The following ACSL6 variants were observed in gnomAD, a reference collection of about 807,000 sequenced individuals.
The protein encoded by ACSL6 is acyl-CoA synthetase long chain family member 6, also known as long-chain-fatty-acid--CoA ligase 6.
In ACSL6, 47 loss-of-function variants were observed where a neutral mutation model predicts 98.2. That is an observed-to-expected ratio of 0.48 (90% confidence interval 0.38 to 0.61). The LOEUF is 0.61. Ranked by LOEUF, ACSL6 falls within the 20% of genes least tolerant of loss-of-function variation. The pLI, the probability that ACSL6 is intolerant of heterozygous loss-of-function variation, is 0.00. For missense variants in ACSL6, 761 were observed against 913.4 expected (o/e 0.83, Z 2.15); for synonymous variants, 362 against 336.9 (o/e 1.07, Z -0.82).
intron 17 of ACSL6, among the ~76,000 whole-genome samples, chr5:131,964,637 C>A (rs572305919): frequency 6.6e-6 from 1 of 152,250 alleles, no homozygotes; most frequent in African/African-American, 2.4e-5. Context: ...TAAGAAAAAC[C>A]AGGTAAAATG....
Position 131,968,038 on chromosome 5 carries a change from C to A in ACSL6, c.1508-10G>T. On this transcript the variant is annotated splice_polypyrimidine_tract_variant and intron_variant, in intron 15 of 20. Coordinates refer to ENST00000651883, the MANE Select transcript of ACSL6 (RefSeq NM_001009185.3). ...GGCGCCCCTACGTGCCCTGGAACAC[C>A]GGAGCAAGATGGCATTTGTTAGTGT... 6.2e-7 allele frequency: 1 copy of A among 1,612,072 alleles called. No homozygotes were observed. Among genetic ancestry groups the A allele is most frequent in the Non-Finnish European group, 8.5e-7 (1 of 1,178,580 alleles).
intron 10 of ACSL6, 198 bp from the exon 11 acceptor site, chr5:131,975,168 G>T: frequency 1.2e-5 from 17 of 1,409,138 alleles, no homozygotes; most frequent in Non-Finnish European, 1.5e-5. Context: ...GAGAGAGGGA[G>T]GGGGAAGGTG....
intron 2 of ACSL6, among the ~76,000 whole-genome samples, chr5:131,992,106 C>T (rs1287875120): frequency 6.6e-6 from 1 of 152,088 alleles, no homozygotes; most frequent in Non-Finnish European, 1.5e-5. Flanking sequence ...ATGGGGGTTG[C>T]CGGACAGAGT....
intron 9 of ACSL6, 149 bp from the exon 10 acceptor site, chr5:131,976,870 T>C: frequency 1.5e-6 from 1 of 679,134 alleles, no homozygotes; most frequent in Non-Finnish European, 2.7e-6. Context: ...TACAGGCAGA[T>C]GAATGCTGCT....
At chr5:131,994,373 A>G in intron 1 of ACSL6, 122 bp from the exon 2 acceptor site, 2 of 839,716 alleles carry the variant, frequency 2.4e-6, no homozygotes, top group Non-Finnish European at 3.7e-6. Flanking sequence ...GGGAGTTGGG[A>G]TGTACAGAGT....
Position 131,959,578 on chromosome 5 carries a change from C to T in ACSL6, c.1989G>A (p.Met663Ile). 1 of 1,614,170 alleles carries T rather than the reference C, an allele frequency of 6.2e-7. No individual in the cohort carries two copies. Among genetic ancestry groups the T allele is most frequent in the Middle Eastern group, 1.6e-4 (1 of 6,062 alleles). Residue 663 changes from methionine (M) to isoleucine (I), a missense_variant, in exon 20 of 21, where the codon ATG becomes ATA. Met to Ile is a conservative substitution (Grantham distance 10). Coordinates refer to ENST00000651883, the MANE Select transcript of ACSL6 (RefSeq NM_001009185.3). ...GTCCACTTTCTTTTCCTAACCTCAC[C>T]ATATCTTCCAAAATGGCTTTCTTCA... ...KDLKKAILED[M>I]VRLGKESGLH...
rs34019873 is a variant in ACSL6 at position 131,976,544 on chromosome 5, GAA to G, written c.990+102_990+103del. 1.4e-3 allele frequency: 1,129 copies of G among 819,636 alleles called. 1 individual carries two copies. Among genetic ancestry groups the G allele is most frequent in the African/African-American group, 1.7e-3 (85 of 50,988 alleles). The allele number at this position is 819,636 out of a possible 1,614,324, so 50.8% of individuals were successfully genotyped here. ...TGAATGGCAGCCCAGGTTATATCAAGAAAAAAAAAAAAAGAAAAAGAAAACAA... is the reference window on the plus strand; with the variant it reads ...TGAATGGCAGCCCAGGTTATATCAAGAAAAAAAAAAAGAAAAAGAAAACAA... On this transcript the variant is annotated intron_variant, in intron 10 of 20. Transcript: ENST00000651883.
intron 9 of ACSL6, among the ~76,000 whole-genome samples, chr5:131,977,175 GA>G (rs1753665474): frequency 6.6e-6 from 1 of 152,244 alleles, no homozygotes; most frequent in Non-Finnish European, 1.5e-5. Context: ...TTGGCACCTG[GA>G]AAGGCCCCAG....
chr5:131,991,880 C>T (rs1297840083), intron 2 of ACSL6, among the ~76,000 whole-genome samples: 2 of 152,310 alleles, frequency 1.3e-5, no homozygotes, highest in East Asian at 3.9e-4. Context: ...AGGCAGCTCC[C>T]GACTGTTTTC....
rs1753396314 is a variant in ACSL6 at position 131,972,956 on chromosome 5, C to T, written c.1204-98G>A. 5 of 1,550,194 alleles carry T rather than the reference C, an allele frequency of 3.2e-6. No individual in the cohort carries two copies. In the Admixed American group the frequency reaches 7.5e-5, roughly 23 times the overall value. On this transcript the variant is annotated intron_variant, in intron 12 of 20. Transcript: ENST00000651883. ...GGCCCAGACTGGCCAGCAGAGAAGCCATGTTCCATTTTGCCCCTGCAGGAG... is the reference window on the plus strand; with the variant it reads ...GGCCCAGACTGGCCAGCAGAGAAGCTATGTTCCATTTTGCCCCTGCAGGAG...
chr5:132,011,565 GGGCCC>G lies in ACSL6; in HGVS notation c.-17_-13del, dbSNP rs745965338. The stretch of plus-strand genomic sequence containing the variant: ...AAGAAGGTCAGCATGGCGGTCAGCG[GGGCCC>G]GGCCCGGCCCGGCCCGGCCTCCCCG... On this transcript the variant is annotated 5_prime_UTR_variant, in exon 1 of 21. Coordinates refer to ENST00000651883, the MANE Select transcript of ACSL6 (RefSeq NM_001009185.3). This position sits in a 1 kb window ranked among gnomAD's most constrained non-coding sequence, Gnocchi z 5.4. 58 of 1,573,606 alleles carry G rather than the reference GGGCCC, an allele frequency of 3.7e-5. No homozygotes were observed. The highest frequency in any genetic ancestry group is 2.7e-4 in the Admixed American group (15 of 55,920).
chr5:131,988,418 G>T, intron 6 of ACSL6, 192 bp from the exon 7 acceptor site: 1 of 1,317,100 alleles, frequency 7.6e-7, no homozygotes, highest in Non-Finnish European at 1.1e-6. Flanking sequence ...ACCAAGGGCA[G>T]AAGGCCATGG....
chr5:131,983,346 T>C (rs1264727208), intron 9 of ACSL6: 1 of 152,140 alleles, frequency 6.6e-6, no homozygotes, highest in Non-Finnish European at 1.5e-5. Context: ...GACTTCAAAG[T>C]ACTGACTTAT....
At chr5:132,011,755 G>C, upstream of ACSL6, 1 of 1,300,286 alleles carries the variant, frequency 7.7e-7, no homozygotes, top group Non-Finnish European at 9.8e-7. The surrounding 1 kb of genome is among the most constrained non-coding windows in gnomAD (Gnocchi z 5.4). Flanking sequence ...GCGCGCACTC[G>C]CAACCGAGCC....
chr5:131,988,917 AT>A lies in ACSL6; in HGVS notation c.553-14del. On this transcript the variant is annotated splice_polypyrimidine_tract_variant and intron_variant, in intron 5 of 20. Coordinates refer to ENST00000651883, the MANE Select transcript of ACSL6 (RefSeq NM_001009185.3). ...CCACAATGATCCACTGTGGAGACAC[AT>A]GAGGCGGGGGTGGGGAAGAAGGGGA... 1 of 1,086,394 alleles carries A rather than the reference AT, an allele frequency of 9.2e-7. No individual in the cohort carries two copies. The highest frequency in any genetic ancestry group is 1.4e-6 in the Non-Finnish European group (1 of 719,016). 67.3% of individuals were successfully genotyped at this position (1,086,394 alleles called of 1,614,324 possible).
intron 10 of ACSL6, 200 bp from the exon 11 acceptor site, chr5:131,975,170 G>A (rs892837572): frequency 2.6e-5 from 36 of 1,377,256 alleles, no homozygotes; most frequent in Non-Finnish European, 3.0e-5. Flanking sequence ...GAGAGGGAGG[G>A]GGAAGGTGCA....
intron 9 of ACSL6, among the ~76,000 whole-genome samples, chr5:131,980,628 G>A (rs1179105458): frequency 3.3e-5 from 5 of 152,104 alleles, no homozygotes; most frequent in Admixed American, 3.3e-4. Flanking sequence ...CAATTTGAAT[G>A]GTCTCCACCC....
intron 3 of ACSL6, 96 bp downstream of exon 3, chr5:131,990,757 G>C: frequency 8.8e-7 from 1 of 1,132,566 alleles, no homozygotes. Flanking sequence ...TAGCTCACCT[G>C]CCATGGCCCT....
At chr5:131,976,792 T>A in intron 9 of ACSL6, 71 bp from the exon 10 acceptor site, 1 of 1,335,088 alleles carries the variant, frequency 7.5e-7, no homozygotes, top group Non-Finnish European at 1.1e-6. Context: ...AGTGCCCAAG[T>A]TGGCAGTCCC....
Sources: allele counts gnomAD v4.1 joint callset (sites outside exome capture counted in the v4.1 genomes callset), GRCh38; gene constraint gnomAD v4.1.1; non-coding constraint Gnocchi (gnomAD v3.1); transcripts MANE v1.5; gene names NCBI Gene and HGNC (gene_info 2026-07-23, HGNC 2026-07-21).